MYLK: variants seen among roughly 807,000 people sequenced by gnomAD.
MYLK encodes the protein myosin light chain kinase, smooth muscle.
Under a neutral mutation model 203.4 loss-of-function variants are expected in MYLK, and 106 were observed. That is an observed-to-expected ratio of 0.52 (90% CI 0.45 to 0.61). The LOEUF is 0.61. Ranked by LOEUF, MYLK falls within the 20% of genes least tolerant of loss-of-function variation. The pLI, the probability that MYLK is intolerant of heterozygous loss-of-function variation, is 0.00. For missense variants in MYLK, 2,072 were observed against 2,442.3 expected (o/e 0.85, Z 3.20); for synonymous variants, 867 against 959.5 (o/e 0.90, Z 1.78).
rs530894475 is a variant in MYLK at position 123,844,978 on chromosome 3, A to G, written c.-126-13308T>C. 3.9e-5 allele frequency among the ~76,000 whole-genome samples: 6 copies of G among 152,260 alleles called. No individual in the cohort carries two copies. The South Asian group carries it at 1.2e-3, about 32-fold the overall frequency. On this transcript the variant is annotated intron_variant, in intron 2 of 33. Coordinates refer to ENST00000360304, the MANE Select transcript of MYLK (RefSeq NM_053025.4). ...TGCCTCAGCCACCTCAGTAGCTGGC[A>G]CTGCAGGCATGAGCCACAGTGCCTG...
intron 2 of MYLK, among the ~76,000 whole-genome samples, chr3:123,849,397 T>C (rs950321537): frequency 6.6e-6 from 1 of 152,214 alleles, no homozygotes; most frequent in Non-Finnish European, 1.5e-5. Flanking sequence ...TCAGAAATAC[T>C]ACCTAGCCAA....
intron 18 of MYLK, among the ~76,000 whole-genome samples, chr3:123,699,400 C>T (rs748975137): frequency 5.3e-5 from 8 of 152,150 alleles, no homozygotes; most frequent in African/African-American, 1.4e-4. Context: ...AATTAGGAAG[C>T]GAGTAGCTCT....
At chr3:123,696,835 T>G (rs1380765993) in intron 18 of MYLK, among the ~76,000 whole-genome samples, 1 of 152,228 alleles carries the variant, frequency 6.6e-6, no homozygotes, top group Non-Finnish European at 1.5e-5. Context: ...AAATCTTGCA[T>G]GATTCCCTAC....
At chr3:123,860,239 G>A (rs113984745) in intron 2 of MYLK, among the ~76,000 whole-genome samples, 1 of 152,126 alleles carries the variant, frequency 6.6e-6, no homozygotes, top group Non-Finnish European at 1.5e-5. Flanking sequence ...AGAGGTGTAG[G>A]GGGAGCCATG....
At chr3:123,699,903 C>G (rs183909302) in intron 18 of MYLK, 117 bp downstream of exon 18, 2 of 1,407,334 alleles carry the variant, frequency 1.4e-6, no homozygotes, top group Non-Finnish European at 2.0e-6. Context: ...ACCTGCTAAA[C>G]CAGGTTAGCA....
chr3:123,646,955 C>G (rs1418591050), intron 27 of MYLK: 14 of 535,084 alleles, frequency 2.6e-5, no homozygotes, highest in Middle Eastern at 1.0e-3. Context: ...AGAAAGACAC[C>G]AGGGTCCTCA....
chr3:123,766,585 G>C (rs1208050502), intron 4 of MYLK, among the ~76,000 whole-genome samples: 3 of 152,150 alleles, frequency 2.0e-5, no homozygotes, highest in Non-Finnish European at 4.4e-5. Flanking sequence ...GGTGAACCCA[G>C]TTTGCACTAG....
At chr3:123,636,228 T>C (rs1195831329) in intron 29 of MYLK, among the ~76,000 whole-genome samples, 1 of 152,206 alleles carries the variant, frequency 6.6e-6, no homozygotes, top group East Asian at 1.9e-4. Context: ...AAAAGTCCTG[T>C]ATCCTGGCAG....
chr3:123,836,563 T>C (rs185812233), intron 2 of MYLK, among the ~76,000 whole-genome samples: 1 of 152,284 alleles, frequency 6.6e-6, no homozygotes, highest in Non-Finnish European at 1.5e-5. Flanking sequence ...GGCATGGGTA[T>C]CTTTCCTGCA....
At chr3:123,742,282 G>C (rs999397647) in intron 5 of MYLK, among the ~76,000 whole-genome samples, 5 of 151,944 alleles carry the variant, frequency 3.3e-5, no homozygotes, top group Non-Finnish European at 5.9e-5. Flanking sequence ...GCACATTGTA[G>C]GTATTTAAAT....
intron 2 of MYLK, among the ~76,000 whole-genome samples, chr3:123,833,296 T>C (rs1175844079): frequency 6.6e-6 from 1 of 152,148 alleles, no homozygotes; most frequent in Non-Finnish European, 1.5e-5. Context: ...AGGACATCTC[T>C]TGACCTTGAA....
At chr3:123,697,537 C>CG (rs1489289892) in intron 18 of MYLK, among the ~76,000 whole-genome samples, 1 of 152,176 alleles carries the variant, frequency 6.6e-6, no homozygotes, top group Non-Finnish European at 1.5e-5. Flanking sequence ...TCATATAGCA[C>CG]GGTGGTCTAG....
At chr3:123,753,248 A>C (rs190441133) in intron 4 of MYLK, among the ~76,000 whole-genome samples, 11 of 152,344 alleles carry the variant, frequency 7.2e-5, no homozygotes, top group Admixed American at 1.3e-4. Context: ...GATGTTGAAA[A>C]GTAGTATTTT....
intron 29 of MYLK, among the ~76,000 whole-genome samples, chr3:123,637,646 G>C (rs148822293): frequency 1.6e-4 from 25 of 152,248 alleles, no homozygotes; most frequent in Non-Finnish European, 3.1e-4. Context: ...CCGTGCCTTG[G>C]GGATGGAGTG....
intron 4 of MYLK, among the ~76,000 whole-genome samples, chr3:123,753,346 G>A (rs553987995): frequency 1.3e-4 from 20 of 152,238 alleles, no homozygotes; most frequent in African/African-American, 4.6e-4. Flanking sequence ...TTACATCCAG[G>A]CCTTGTGACA....
At chr3:123,698,302 G>C (rs906123904) in intron 18 of MYLK, among the ~76,000 whole-genome samples, 1 of 152,192 alleles carries the variant, frequency 6.6e-6, no homozygotes, top group Non-Finnish European at 1.5e-5. Flanking sequence ...AGAATGATGC[G>C]AACTGCAAGA....
rs1186106936 is a variant in MYLK at position 123,876,611 on chromosome 3, A to C, written c.-179T>G. The C allele has an allele frequency of 6.6e-6, 1 of 152,206 alleles. No individual in the cohort carries two copies. Among genetic ancestry groups the C allele is most frequent in the Non-Finnish European group, 1.5e-5 (1 of 68,036 alleles). The allele number at this position is 152,206 out of a possible 1,614,324, so 9.4% of individuals were successfully genotyped here. On this transcript the variant is annotated 5_prime_UTR_variant, in exon 2 of 34. Coordinates refer to ENST00000360304, the MANE Select transcript of MYLK (RefSeq NM_053025.4). ...AATTGGTTTCTGTTAATTTTGAAGAATCCTTCCTAATACACAAATCAAAGA... is the reference window on the plus strand; with the variant it reads ...AATTGGTTTCTGTTAATTTTGAAGACTCCTTCCTAATACACAAATCAAAGA...
At chr3:123,694,671 CA>C (rs2060834223) in intron 18 of MYLK, among the ~76,000 whole-genome samples, 1 of 152,228 alleles carries the variant, frequency 6.6e-6, no homozygotes. Context: ...CAAAATGATA[CA>C]AGCTGCAAAG....
chr3:123,726,366 G>A (rs969878295), intron 11 of MYLK, among the ~76,000 whole-genome samples: 1 of 152,170 alleles, frequency 6.6e-6, no homozygotes, highest in African/African-American at 2.4e-5. Flanking sequence ...TGTGACTCAG[G>A]TGCCTCCTGC....
Sources: gnomAD v4.1 joint callset for allele counts (sites outside exome capture counted in the v4.1 genomes callset) on GRCh38, gnomAD v4.1.1 for gene constraint, MANE v1.5 for transcripts, NCBI Gene and HGNC (gene_info 2026-07-23, HGNC 2026-07-21) for gene names.